Variants in KBTBD11 observed in about 807,000 individuals in gnomAD.
KBTBD11 encodes kelch repeat and BTB domain-containing protein 11.
For missense variants in KBTBD11, 1,390 were observed against 1,001.8 expected (o/e 1.39, Z -5.23); for synonymous variants, 747 against 499.0 (o/e 1.50, Z -6.63).
chr8:1,997,239 G>A (rs1465770914), intron 1 of KBTBD11, among the ~76,000 whole-genome samples: 1 of 152,140 alleles, frequency 6.6e-6, no homozygotes, highest in African/African-American at 2.4e-5. Context: ...CCACAAAATG[G>A]TGGCGGTGGG....
chr8:1,991,615 C>T (rs1347359982), intron 1 of KBTBD11, among the ~76,000 whole-genome samples: 1 of 151,400 alleles, frequency 6.6e-6, no homozygotes, highest in South Asian at 2.1e-4. Context: ...AGGCTTTGCT[C>T]TCCCCACACC....
chr8:1,979,187 G>C (rs12679875), intron 1 of KBTBD11, among the ~76,000 whole-genome samples: 123,204 of 152,268 alleles, frequency 0.81, 50,210 homozygotes, highest in African/African-American at 0.91. Flanking sequence ...AGGCTGGATA[G>C]CCAGGGAAGT....
At chr8:1,980,124 T>C (rs1235029132) in intron 1 of KBTBD11, among the ~76,000 whole-genome samples, 2 of 152,140 alleles carry the variant, frequency 1.3e-5, no homozygotes, top group African/African-American at 2.4e-5. Flanking sequence ...AAGTATGACA[T>C]CTTATTAGAT....
At position 2,006,283 on chromosome 8, in the gene KBTBD11, G is replaced by C. The variant is rs565352210; in HGVS notation, c.*3219G>C. Reference sequence around the variant, plus strand: ...GATTTGGAAATAGGATGTTTTCAACGTTCTTTTGTCTTTTGCTGAAGTCAG... The same window carrying C: ...GATTTGGAAATAGGATGTTTTCAACCTTCTTTTGTCTTTTGCTGAAGTCAG... On this transcript the variant is annotated 3_prime_UTR_variant, in exon 2 of 2. Transcript: ENST00000320248. 6.0e-6 allele frequency: 1 copy of C among 167,144 alleles called. No individual in the cohort carries two copies. The highest frequency in any genetic ancestry group is 2.4e-5 in the African/African-American group (1 of 41,580). 10.4% of individuals were successfully genotyped at this position (167,144 alleles called of 1,614,324 possible).
In KBTBD11 at chr8:1,973,691, C is replaced by A; in HGVS notation, c.-1153C>A. The A allele has an allele frequency of 1.0e-6, 1 of 983,666 alleles. No individual in the cohort carries two copies. Among genetic ancestry groups the A allele is most frequent in the Non-Finnish European group, 1.2e-6 (1 of 829,196 alleles). The allele number at this position is 983,666 out of a possible 1,614,324, so 60.9% of individuals were successfully genotyped here. On this transcript the variant is annotated 5_prime_UTR_variant, in exon 1 of 2. Coordinates refer to ENST00000320248, the MANE Select transcript of KBTBD11 (RefSeq NM_014867.3). The stretch of plus-strand genomic sequence containing the variant: ...CCCCCCTCCCCGCGCCCCGCGCGCG[C>A]CCCTCGCAGCCTGGAGCCGGAGCGC...
intron 1 of KBTBD11, among the ~76,000 whole-genome samples, chr8:1,984,886 G>A (rs1816661027): frequency 6.6e-6 from 1 of 152,124 alleles, no homozygotes; most frequent in Non-Finnish European, 1.5e-5. Flanking sequence ...TGGCCTTCTC[G>A]GCTGTTATCT....
chr8:2,001,520 C>G lies in KBTBD11; in HGVS notation c.328C>G (p.Pro110Ala). 6.3e-6 allele frequency: 9 copies of G among 1,419,216 alleles called. No homozygotes were observed. Among genetic ancestry groups the G allele is most frequent in the South Asian group, 4.3e-5 (3 of 69,550 alleles). 87.9% of individuals were successfully genotyped at this position (1,419,216 alleles called of 1,614,324 possible). The change falls in exon 2 of 2, where the codon CCG becomes GCG. Residue 110 changes from proline (P) to alanine (A), a missense_variant. Physicochemically the swap from Pro to Ala is conservative, Grantham distance 27. Transcript: ENST00000320248. ...PEEPAAPSPE[P>A]RVWLEDPASP... ...AGAGCCCGCGGCGCCGTCCCCCGAACCGCGCGTTTGGCTTGAGGACCCCGC... is the reference window on the plus strand; with the variant it reads ...AGAGCCCGCGGCGCCGTCCCCCGAAGCGCGCGTTTGGCTTGAGGACCCCGC...
intron 1 of KBTBD11, among the ~76,000 whole-genome samples, chr8:1,985,760 C>A (rs568716280): frequency 6.6e-6 from 1 of 152,196 alleles, no homozygotes; most frequent in Non-Finnish European, 1.5e-5. Flanking sequence ...ACCCCTGCAA[C>A]CCAGCCTGGG....
intron 1 of KBTBD11, among the ~76,000 whole-genome samples, chr8:1,991,786 A>T (rs375312966): frequency 9.5e-4 from 144 of 151,726 alleles, no homozygotes; most frequent in African/African-American, 3.3e-3. Context: ...TCGTTTTAGG[A>T]CGAGATCACT....
In KBTBD11 at chr8:2,004,747, AAAAC is replaced by A. The variant is rs1360736992; in HGVS notation, c.*1685_*1688del. ...ACTTGGTTAATCATCTTGGGAAAGA[AAAAC>A]AGACTTCATATCGCCTGACTTGATT... On this transcript the variant is annotated 3_prime_UTR_variant, in exon 2 of 2. Transcript: ENST00000320248. 1.2e-5 allele frequency: 2 copies of A among 167,108 alleles called. No homozygotes were observed. Among genetic ancestry groups the A allele is most frequent in the African/African-American group, 4.8e-5 (2 of 41,462 alleles). The allele number at this position is 167,108 out of a possible 1,614,324, so 10.4% of individuals were successfully genotyped here.
intron 1 of KBTBD11, among the ~76,000 whole-genome samples, chr8:1,978,325 C>G (rs1223689731): frequency 6.6e-6 from 1 of 152,242 alleles, no homozygotes. Flanking sequence ...GCACAGCTCA[C>G]CTTGGTGCCA....
rs1563379063 is a variant in KBTBD11 at position 2,001,545 on chromosome 8, CGTCCCCCGA to C, written c.355_363del (p.Ser119_Glu121del). ...CCGCGCGTTTGGCTTGAGGACCCCG[CGTCCCCCGA>C]GGAGCCCGGGGAGCCCGCGCCCGTA... On this transcript the variant is annotated inframe_deletion, in exon 2 of 2. Transcript: ENST00000320248. The C allele has an allele frequency of 2.1e-6, 3 of 1,434,774 alleles. No homozygotes were observed. Among genetic ancestry groups the C allele is most frequent in the South Asian group, 1.4e-5 (1 of 72,848 alleles). The allele number at this position is 1,434,774 out of a possible 1,614,324, so 88.9% of individuals were successfully genotyped here. A position where few individuals can be genotyped will look rare whatever the true frequency, so the allele number is the denominator to read the frequency against.
chr8:1,975,314 A>G (rs917004320), intron 1 of KBTBD11: 1 of 152,300 alleles, frequency 6.6e-6, no homozygotes, highest in African/African-American at 2.4e-5. Context: ...CAGTTAAAAG[A>G]TGTTGCTTAC....
rs1343774916 is a variant in KBTBD11 at position 2,002,761 on chromosome 8, C to T, written c.1569C>T (p.Ser523=). 2 of 1,486,080 alleles carry T rather than the reference C, an allele frequency of 1.3e-6. No homozygotes were observed. The highest frequency in any genetic ancestry group is 2.7e-5 in the East Asian group (1 of 37,038). The allele number at this position is 1,486,080 out of a possible 1,614,324, so 92.1% of individuals were successfully genotyped here. Residue 523 remains serine (S), a synonymous_variant, in exon 2 of 2, where the codon AGC becomes AGT. Transcript: ENST00000320248. The surrounding 1 kb of genome is among the most constrained non-coding windows in gnomAD (Gnocchi z 4.1). ...AGGCGGCGGGGCCGAGCGGGGTCAG[C>T]GTGTCCCGATACCACTGCCTGGCCA... ...EAQAAGPSGV[S]VSRYHCLAKQ... is the part of the protein sequence containing the mutation.
chr8:1,998,932 G>A (rs1817243138), intron 1 of KBTBD11, among the ~76,000 whole-genome samples: 1 of 152,222 alleles, frequency 6.6e-6, no homozygotes, highest in Non-Finnish European at 1.5e-5. Context: ...CTGGACAGCA[G>A]GATGGGGGCC....
chr8:1,977,511 A>G (rs1452169808), intron 1 of KBTBD11, among the ~76,000 whole-genome samples: 1 of 152,042 alleles, frequency 6.6e-6, no homozygotes, highest in African/African-American at 2.4e-5. Flanking sequence ...AGTAGTCAGA[A>G]CAATGATTTT....
chr8:1,980,228 C>T (rs1393800247), intron 1 of KBTBD11, among the ~76,000 whole-genome samples: 11 of 124,618 alleles, frequency 8.8e-5, no homozygotes, highest in Admixed American at 9.2e-5. Context: ...GATAATCAAA[C>T]TTTTTTTTTT....
At chr8:1,974,266 G>T (rs1816239157) in intron 1 of KBTBD11, 1 of 978,538 alleles carries the variant, frequency 1.0e-6, no homozygotes, top group Non-Finnish European at 1.2e-6. Context: ...GTCTCCACAG[G>T]CCCTCCCCCG....
At chr8:1,996,056 C>T (rs1817124704) in intron 1 of KBTBD11, among the ~76,000 whole-genome samples, 1 of 152,190 alleles carries the variant, frequency 6.6e-6, no homozygotes. Context: ...CTGAGATTCC[C>T]TACAGGTTTC....
Sources: gnomAD v4.1 joint callset for allele counts (sites outside exome capture counted in the v4.1 genomes callset) on GRCh38, gnomAD v4.1.1 for gene constraint, Gnocchi (gnomAD v3.1) non-coding constraint, MANE v1.5 for transcripts, NCBI Gene and HGNC (gene_info 2026-07-23, HGNC 2026-07-21) for gene names.